The following MINDY3 variants were observed in gnomAD, a reference collection of about 807,000 sequenced individuals.
MINDY3 encodes the protein ubiquitin carboxyl-terminal hydrolase MINDY-3.
A neutral mutation model predicts 69.2 loss-of-function variants in MINDY3; 38 were observed. The observed-to-expected ratio is 0.55, with a 90% CI of 0.42 to 0.72. MINDY3 has a LOEUF of 0.72. Among genes scored for constraint, MINDY3 ranks in the 30% least tolerant of loss-of-function variants. MINDY3 has a pLI of 0.00. For missense variants in MINDY3, 522 were observed against 519.0 expected, an observed-to-expected ratio of 1.01 and a Z score of -0.06; for synonymous variants, 192 against 180.1, an observed-to-expected ratio of 1.07 and a Z score of -0.53.
chr10:15,794,859 TACA>T (rs754169915), intron 11 of MINDY3, among the ~76,000 whole-genome samples: 10 of 152,176 alleles, frequency 6.6e-5, no homozygotes, highest in Admixed American at 1.3e-4. Flanking sequence ...TTTTCAGCCT[TACA>T]ACATCAGCCT....
chr10:15,838,060 C>A, intron 5 of MINDY3, 168 bp downstream of exon 5: 1 of 982,196 alleles, frequency 1.0e-6, no homozygotes, highest in Non-Finnish European at 1.2e-6. Flanking sequence ...TATACATTTA[C>A]AAACTATTTT....
At chr10:15,789,152 A>C in intron 12 of MINDY3, 95 bp downstream of exon 12, 1 of 801,164 alleles carries the variant, frequency 1.2e-6, no homozygotes, top group Non-Finnish European at 2.1e-6. Context: ...ATATATGCAG[A>C]TATAGATTTT....
intron 10 of MINDY3, among the ~76,000 whole-genome samples, chr10:15,810,630 C>T (rs937060707): frequency 6.6e-6 from 1 of 151,838 alleles, no homozygotes; most frequent in African/African-American, 2.4e-5. Context: ...GATGGATCTA[C>T]AGTGTGTTCT....
At chr10:15,855,970 T>C (rs1338210162) in intron 1 of MINDY3, among the ~76,000 whole-genome samples, 1 of 152,152 alleles carries the variant, frequency 6.6e-6, no homozygotes, top group African/African-American at 2.4e-5. Context: ...ATTAATTTTG[T>C]CATATATGCT....
chr10:15,794,264 C>T (rs899399107), intron 11 of MINDY3, among the ~76,000 whole-genome samples: 3 of 151,958 alleles, frequency 2.0e-5, no homozygotes, highest in Non-Finnish European at 2.9e-5. Flanking sequence ...GTTCTGAGAA[C>T]GCATGATTTG....
intron 9 of MINDY3, among the ~76,000 whole-genome samples, chr10:15,819,084 G>T (rs1035274834): frequency 6.6e-6 from 1 of 152,138 alleles, no homozygotes; most frequent in African/African-American, 2.4e-5. Flanking sequence ...GAGGGAGAGT[G>T]CAGGAGGGAG....
At chr10:15,786,399 G>T (rs1162459111) in intron 13 of MINDY3, among the ~76,000 whole-genome samples, 162 bp downstream of exon 13, 1 of 152,036 alleles carries the variant, frequency 6.6e-6, no homozygotes, top group Non-Finnish European at 1.5e-5. Context: ...TACCGTATTC[G>T]AACACACATT....
chr10:15,849,328 G>C (rs1341787127), intron 1 of MINDY3, among the ~76,000 whole-genome samples: 1 of 152,170 alleles, frequency 6.6e-6, no homozygotes, highest in Non-Finnish European at 1.5e-5. Context: ...GGGGTAGGAT[G>C]GAGGTGCCAG....
chr10:15,779,717 A>G (rs1274975938), intron 14 of MINDY3, among the ~76,000 whole-genome samples: 1 of 152,200 alleles, frequency 6.6e-6, no homozygotes, highest in East Asian at 1.9e-4. Flanking sequence ...TCTGTACAGC[A>G]TGAAAAATCA....
intron 10 of MINDY3, 27 bp downstream of exon 10, chr10:15,816,808 T>TAA: frequency 6.6e-7 from 1 of 1,514,970 alleles, no homozygotes. Context: ...TGTCATAACT[T>TAA]AAAAAAAAAT....
intron 10 of MINDY3, among the ~76,000 whole-genome samples, chr10:15,813,479 G>A (rs1004439132): frequency 1.3e-5 from 2 of 152,138 alleles, no homozygotes; most frequent in African/African-American, 2.4e-5. Context: ...ACAGCATTAT[G>A]GACCTGTGCT....
At chr10:15,791,530 G>A (rs1295038144) in intron 11 of MINDY3, among the ~76,000 whole-genome samples, 1 of 151,898 alleles carries the variant, frequency 6.6e-6, no homozygotes, top group African/African-American at 2.4e-5. Flanking sequence ...AAAGAATGGG[G>A]ACTATGAGGC....
chr10:15,800,850 AAATGC>A (rs1478254998), intron 10 of MINDY3, among the ~76,000 whole-genome samples: 1 of 152,190 alleles, frequency 6.6e-6, no homozygotes, highest in East Asian at 1.9e-4. Context: ...CTTGTACAAA[AAATGC>A]AACTTGTATG....
At chr10:15,817,054 C>T (rs1238926451) in intron 9 of MINDY3, 139 bp from the exon 10 acceptor site, 2 of 645,336 alleles carry the variant, frequency 3.1e-6, no homozygotes, top group South Asian at 4.0e-5. Flanking sequence ...AGCACTTCAC[C>T]CATAGAGATC....
intron 3 of MINDY3, among the ~76,000 whole-genome samples, 182 bp downstream of exon 3, chr10:15,843,030 C>A (rs1408771752): frequency 6.6e-6 from 1 of 151,606 alleles, no homozygotes; most frequent in Non-Finnish European, 1.5e-5. Flanking sequence ...TGTCTTATAA[C>A]CCCTGGTTAG....
At chr10:15,819,577 A>G (rs10795322) in intron 9 of MINDY3, among the ~76,000 whole-genome samples, 25,164 of 152,094 alleles carry the variant, frequency 0.17, 2,597 homozygotes, top group South Asian at 0.26. Context: ...AGGGGAGCTC[A>G]GGCAATCTAG....
Position 15,840,603 on chromosome 10 carries a change from C to T in MINDY3, c.409+823G>A, listed in dbSNP as rs1236573367. ...GTAATCTCTTTACGAAAACTTTCCA[C>T]AAAGATGATAGTTAATGTGATGCTC... On this transcript the variant is annotated intron_variant, in intron 4 of 14. Coordinates refer to ENST00000277632, the MANE Select transcript of MINDY3 (RefSeq NM_024948.4). Among the ~76,000 whole-genome samples, 4 of 151,558 alleles carry T rather than the reference C, an allele frequency of 2.6e-5. No homozygotes were observed. In the East Asian group the frequency reaches 7.7e-4, roughly 29 times the overall value.
intron 8 of MINDY3, among the ~76,000 whole-genome samples, chr10:15,826,175 C>G (rs1475584335): frequency 6.6e-6 from 1 of 152,074 alleles, no homozygotes; most frequent in Non-Finnish European, 1.5e-5. Context: ...ATCTGAGAAC[C>G]TTAGAAGGAG....
intron 1 of MINDY3, chr10:15,857,801 T>G (rs1834800387): frequency 3.0e-6 from 1 of 328,162 alleles, no homozygotes; most frequent in Non-Finnish European, 4.4e-6. Flanking sequence ...GCTTATTGTT[T>G]TAACAACCAT....
Sources: gnomAD v4.1 joint callset for allele counts (sites outside exome capture counted in the v4.1 genomes callset) on GRCh38, gnomAD v4.1.1 for gene constraint, MANE v1.5 for transcripts, NCBI Gene and HGNC (gene_info 2026-07-23, HGNC 2026-07-21) for gene names.